The following NHERF1 variants were observed in gnomAD, a reference collection of about 807,000 sequenced individuals.
NHERF1 encodes NHERF family PDZ scaffold protein 1.
chr17:74,759,502 G>T, the NHERF1 span, among the ~76,000 whole-genome samples: 1 of 152,204 alleles, frequency 6.6e-6, no homozygotes, highest in Non-Finnish European at 1.5e-5. Flanking sequence ...TGCCAGCCGG[G>T]GGGGGCGCCC....
the NHERF1 span, chr17:74,762,019 T>G: frequency 7.4e-6 from 12 of 1,613,890 alleles, no homozygotes; most frequent in Admixed American, 2.0e-4. This position sits in a 1 kb window ranked among gnomAD's most constrained non-coding sequence, Gnocchi z 4.2. Flanking sequence ...CAGCGCGAGC[T>G]TCGGCCTCGG....
the NHERF1 span, among the ~76,000 whole-genome samples, chr17:74,751,557 G>A: frequency 6.6e-6 from 1 of 152,252 alleles, no homozygotes; most frequent in Admixed American, 6.5e-5. The surrounding 1 kb of genome is among the most constrained non-coding windows in gnomAD (Gnocchi z 4.3). Flanking sequence ...GGCAGAGGCT[G>A]AGGGGTGCCT....
At chr17:74,766,483 G>A in the NHERF1 span, among the ~76,000 whole-genome samples, 3 of 152,074 alleles carry the variant, frequency 2.0e-5, no homozygotes, top group Admixed American at 1.3e-4. Flanking sequence ...GATTACTGGT[G>A]TGAGCCACTA....
At chr17:74,757,784 C>T in the NHERF1 span, among the ~76,000 whole-genome samples, 2 of 152,210 alleles carry the variant, frequency 1.3e-5, no homozygotes, top group South Asian at 4.1e-4. Context: ...CTTCCTGCCC[C>T]CGCCGTCCTG....
chr17:74,763,373 G>C, the NHERF1 span: 1 of 1,613,374 alleles, frequency 6.2e-7, no homozygotes, highest in Non-Finnish European at 8.5e-7. Flanking sequence ...GCAGGTGAAC[G>C]GGGTCTGCAT....
the NHERF1 span, chr17:74,767,126 G>C: frequency 4.0e-6 from 3 of 758,980 alleles, no homozygotes; most frequent in African/African-American, 1.7e-5. Flanking sequence ...CCAAGCTATA[G>C]AACTGCCAGA....
At chr17:74,752,533 C>T in the NHERF1 span, among the ~76,000 whole-genome samples, 1 of 151,934 alleles carries the variant, frequency 6.6e-6, no homozygotes, top group Non-Finnish European at 1.5e-5. Context: ...GAGACAGATT[C>T]CACCCAGGCT....
At chr17:74,766,284 C>T in the NHERF1 span, among the ~76,000 whole-genome samples, 1 of 151,976 alleles carries the variant, frequency 6.6e-6, no homozygotes, top group African/African-American at 2.4e-5. Context: ...GCAACCTCCA[C>T]CTTCTGGGTT....
the NHERF1 span, chr17:74,768,864 T>C: frequency 8.6e-6 from 5 of 579,440 alleles, no homozygotes; most frequent in African/African-American, 7.5e-5. Context: ...GAAAGGAGAC[T>C]CTGCCTCCCT....
the NHERF1 span, chr17:74,762,269 C>A: frequency 7.4e-7 from 1 of 1,356,318 alleles, no homozygotes; most frequent in Non-Finnish European, 1.0e-6. The surrounding 1 kb of genome is among the most constrained non-coding windows in gnomAD (Gnocchi z 4.2). Context: ...GCTTGATTAG[C>A]CCACGGGCAT....
At chr17:74,766,864 C>G in the NHERF1 span, 1 of 1,478,178 alleles carries the variant, frequency 6.8e-7, no homozygotes, top group South Asian at 1.1e-5. Flanking sequence ...TGCCCAAACC[C>G]AACTCCTACC....
At chr17:74,763,611 A>C in the NHERF1 span, 1 of 1,343,536 alleles carries the variant, frequency 7.4e-7, no homozygotes, top group Admixed American at 2.0e-5. Context: ...GTCCCAGGCG[A>C]GGGGTGGGCA....
the NHERF1 span, among the ~76,000 whole-genome samples, chr17:74,755,641 C>T: frequency 2.0e-5 from 3 of 152,170 alleles, no homozygotes; most frequent in East Asian, 3.9e-4. Flanking sequence ...AGGCTGCAGC[C>T]TCTCCCTGTG....
At chr17:74,768,263 A>G in the NHERF1 span, 2 of 1,557,792 alleles carry the variant, frequency 1.3e-6, no homozygotes, top group Non-Finnish European at 1.8e-6. Context: ...GGGGGTGGCA[A>G]CTGGGTTACA....
chr17:74,768,180 T>C, the NHERF1 span: 2 of 1,613,584 alleles, frequency 1.2e-6, no homozygotes, highest in Non-Finnish European at 1.7e-6. Context: ...AGAGGCAGCC[T>C]TGGAGAGCCC....
the NHERF1 span, chr17:74,748,919 G>A: frequency 1.9e-6 from 3 of 1,601,624 alleles, no homozygotes; most frequent in Middle Eastern, 1.7e-4. This position sits in a 1 kb window ranked among gnomAD's most constrained non-coding sequence, Gnocchi z 4.3. Flanking sequence ...GAACGGCTAC[G>A]GCTTCCACCT....
chr17:74,765,435 T>A, the NHERF1 span, among the ~76,000 whole-genome samples: 12 of 151,948 alleles, frequency 7.9e-5, no homozygotes, highest in African/African-American at 2.9e-4. Flanking sequence ...AATTTTTATA[T>A]TTTTAGTAGA....
the NHERF1 span, among the ~76,000 whole-genome samples, chr17:74,767,278 C>G: frequency 6.6e-6 from 1 of 152,188 alleles, no homozygotes; most frequent in African/African-American, 2.4e-5. Context: ...CCCCCAAGAA[C>G]AGAGCTTCAG....
chr17:74,766,301 A>G, the NHERF1 span, among the ~76,000 whole-genome samples: 1 of 151,812 alleles, frequency 6.6e-6, no homozygotes, highest in Admixed American at 6.6e-5. Flanking sequence ...GGTTCAAACA[A>G]TTTTCCCACC....
Sources: gnomAD v4.1 joint callset for allele counts (sites outside exome capture counted in the v4.1 genomes callset) on GRCh38, gnomAD v4.1.1 for gene constraint, Gnocchi (gnomAD v3.1) non-coding constraint, MANE v1.5 for transcripts, NCBI Gene and HGNC (gene_info 2026-07-23, HGNC 2026-07-21) for gene names.